The following IFT122 variants were observed in gnomAD, a reference collection of about 807,000 sequenced individuals.
IFT122 encodes intraflagellar transport protein 122 homolog.
A neutral mutation model predicts 161.6 loss-of-function variants in IFT122; 118 were observed. The observed-to-expected ratio is 0.73, with a 90% CI of 0.63 to 0.85. IFT122 has a LOEUF of 0.85. Ranked by LOEUF, IFT122 falls within the 40% of genes least tolerant of loss-of-function variation. The pLI, the probability that IFT122 is intolerant of heterozygous loss-of-function variation, is 0.00. For synonymous variants in IFT122, 550 were observed against 602.4 expected, an observed-to-expected ratio of 0.91 and a Z score of 1.27; for missense variants, 1,381 against 1,579.6, an observed-to-expected ratio of 0.87 and a Z score of 2.13.
intron 29 of IFT122, among the ~76,000 whole-genome samples, 173 bp from the exon 30 acceptor site, chr3:129,520,003 C>T (rs1286031121): frequency 6.6e-6 from 1 of 152,200 alleles, no homozygotes. Context: ...CAAGAAACCC[C>T]ACAGCCCCCT....
At position 129,463,644 on chromosome 3, in the gene IFT122, G is replaced by T; in HGVS notation, c.416+18G>T. ...TGCTGCAGGTAAGTGCAGCTCTGAC[G>T]ATAAGATTTATGTTCCTTCATCTTC... On this transcript the variant is annotated intron_variant, in intron 6 of 29. Transcript: ENST00000348417. The T allele has an allele frequency of 7.5e-6, 12 of 1,595,842 alleles. No homozygotes were observed. Among genetic ancestry groups the T allele is most frequent in the Non-Finnish European group, 1.0e-5 (12 of 1,163,868 alleles).
At chr3:129,512,464 C>A in intron 24 of IFT122, 52 bp downstream of exon 24, 1 of 1,277,334 alleles carries the variant, frequency 7.8e-7, no homozygotes, top group Non-Finnish European at 1.1e-6. Flanking sequence ...TGTCTAATGG[C>A]CCCAAGAAAT....
chr3:129,514,775 C>CCGGCCT (rs1177286008), intron 25 of IFT122: 3 of 639,470 alleles, frequency 4.7e-6, no homozygotes, highest in African/African-American at 1.8e-5. Context: ...GCCCCCGGCC[C>CCGGCCT]CGGCCTCAGC....
chr3:129,499,998 G>A lies in IFT122; in HGVS notation c.2305G>A (p.Glu769Lys). The change falls in exon 19 of 30, where the codon GAG (glutamate) becomes AAG (lysine). Residue 769 changes from glutamate (E) to lysine (K), a missense_variant. Physicochemically the swap from Glu to Lys is moderately conservative, Grantham distance 56. Transcript: ENST00000348417. The stretch of plus-strand genomic sequence containing the variant: ...TATCAAGGAGCCCAAAGCCGCCGTG[G>A]AGATGTACATCTCAGCAGGAGAGCA... Reference protein sequence around the residue: ...RNIKEPKAAVEMYISAGEHVK... With the variant: ...RNIKEPKAAVKMYISAGEHVK... 1 of 1,614,234 alleles carries A rather than the reference G, an allele frequency of 6.2e-7. No homozygotes were observed. Among genetic ancestry groups the A allele is most frequent in the Non-Finnish European group, 8.5e-7 (1 of 1,180,056 alleles).
chr3:129,497,469 A>C (rs146478706), intron 18 of IFT122, among the ~76,000 whole-genome samples: 1 of 152,350 alleles, frequency 6.6e-6, no homozygotes, highest in East Asian at 1.9e-4. Context: ...GCCAACCTGT[A>C]GAAAGATTAG....
intron 3 of IFT122, chr3:129,456,157 TC>T (rs1559854735): frequency 4.5e-6 from 4 of 888,450 alleles, no homozygotes; most frequent in Non-Finnish European, 6.4e-6. Context: ...ATGCAGCTGG[TC>T]AGTGAGATCT....
intron 10 of IFT122, 67 bp from the exon 11 acceptor site, chr3:129,476,596 T>C (rs2108277702): frequency 1.2e-6 from 2 of 1,613,916 alleles, no homozygotes; most frequent in East Asian, 4.5e-5. Context: ...GGGGTTTGTG[T>C]CTGACAAATG....
chr3:129,455,578 AT>A (rs965462635), intron 3 of IFT122, among the ~76,000 whole-genome samples: 8 of 151,628 alleles, frequency 5.3e-5, no homozygotes, highest in African/African-American at 1.7e-4. Context: ...GAAATAGCTA[AT>A]TTTTTTTTAA....
At position 129,515,566 on chromosome 3, in the gene IFT122, C is replaced by T. The variant is rs771499492; in HGVS notation, c.3232C>T (p.Arg1078Cys). The change falls in exon 26 of 30, where the codon CGC becomes TGC. Residue 1078 changes from arginine (R) to cysteine (C), a missense_variant. By Grantham distance (180) the Arg-to-Cys change is radical. This residue lies in a region of IFT122 where 20 missense variants were observed against 54.2 expected (regional missense o/e 0.37). Transcript: ENST00000348417. Reference protein sequence around the residue: ...NNLGNVCINCRQPFIFSASSY... With the variant: ...NNLGNVCINCCQPFIFSASSY... ...CCTGGGCAACGTCTGCATCAACTGC[C>T]GCCAGCCCTTCATCTTCTCCGCCTC... The T allele has an allele frequency of 2.9e-5, 44 of 1,541,686 alleles. No homozygotes were observed. The highest frequency in any genetic ancestry group is 9.0e-5 in the South Asian group (8 of 89,146).
chr3:129,465,115 G>GTA (rs1559878579), intron 7 of IFT122, among the ~76,000 whole-genome samples: 1 of 3,168 alleles, frequency 3.2e-4, no homozygotes, highest in Non-Finnish European at 5.2e-4. Flanking sequence ...ATGTATATGA[G>GTA]TGTGTGTGTG....
chr3:129,469,660 CA>C (rs570731270), intron 9 of IFT122, among the ~76,000 whole-genome samples: 21 of 152,166 alleles, frequency 1.4e-4, no homozygotes, highest in Non-Finnish European at 2.8e-4. Flanking sequence ...GAACTCAGAG[CA>C]GTGAAATTAT....
intron 17 of IFT122, among the ~76,000 whole-genome samples, chr3:129,494,110 G>C (rs377154840): frequency 3.3e-5 from 5 of 152,186 alleles, no homozygotes; most frequent in South Asian, 4.1e-4. Flanking sequence ...ACATGCACCT[G>C]CTGAGTGCCA....
At chr3:129,483,412 T>G (rs1452126525) in intron 14 of IFT122, 73 bp from the exon 15 acceptor site, 4 of 1,268,034 alleles carry the variant, frequency 3.2e-6, no homozygotes, top group Non-Finnish European at 4.6e-6. Flanking sequence ...AAGAGGGTAT[T>G]GGGCTGAAAT....
chr3:129,499,883 G>A lies in IFT122; in HGVS notation c.2209-19G>A. On this transcript the variant is annotated intron_variant, in intron 18 of 29. Coordinates refer to ENST00000348417, the MANE Select transcript of IFT122 (RefSeq NM_052989.3). ...GGAAGTTCTGATCCAGAGTGTTTTT[G>A]TTTGTTGTGCTTCCTCAGGATTTCC... 6.2e-7 allele frequency: 1 copy of A among 1,613,860 alleles called. No individual in the cohort carries two copies. Among genetic ancestry groups the A allele is most frequent in the African/African-American group, 1.3e-5 (1 of 75,054 alleles).
chr3:129,451,820 T>G (rs1475664871), intron 2 of IFT122, 94 bp from the exon 3 acceptor site: 6 of 1,000,986 alleles, frequency 6.0e-6, no homozygotes, highest in Admixed American at 5.2e-5. Context: ...TATTGACACG[T>G]ATTGTTATAA....
At chr3:129,447,539 G>T (rs1426073989) in intron 1 of IFT122, among the ~76,000 whole-genome samples, 1 of 152,142 alleles carries the variant, frequency 6.6e-6, no homozygotes, top group Non-Finnish European at 1.5e-5. Context: ...CTGCAAAACA[G>T]AGTCTTGCTG....
At chr3:129,509,043 G>A (rs1402490298) in intron 23 of IFT122, among the ~76,000 whole-genome samples, 1 of 152,126 alleles carries the variant, frequency 6.6e-6, no homozygotes, top group South Asian at 2.1e-4. Context: ...TTTGGTGCAA[G>A]TTTGGCTTTG....
At position 129,520,286 on chromosome 3, in the gene IFT122, T is replaced by C; in HGVS notation, c.*21T>C. The C allele has an allele frequency of 6.3e-7, 1 of 1,575,090 alleles. No homozygotes were observed. Among genetic ancestry groups the C allele is most frequent in the Non-Finnish European group, 8.7e-7 (1 of 1,154,400 alleles). On this transcript the variant is annotated 3_prime_UTR_variant, in exon 30 of 30. Coordinates refer to ENST00000348417, the MANE Select transcript of IFT122 (RefSeq NM_052989.3). ...CATGACCAGCATCCTGGGGACGGCC[T>C]GCACCCTCTGCCCGCCTTGGGGTCT...
rs2078809817 is a variant in IFT122, at chr3:129,482,655, GT to G, written c.1654-827del. On this transcript the variant is annotated intron_variant, in intron 14 of 29. Transcript: ENST00000348417. ...CTCATGTCCTTGAGAGAGTAGAATG[GT>G]TTCGGGGAAAGAGAGGGCATAGCCT... Among the ~76,000 whole-genome samples, 4 of 152,296 alleles carry G rather than the reference GT, an allele frequency of 2.6e-5. No homozygotes were observed. In the South Asian group the frequency reaches 6.2e-4, roughly 24 times the overall value.
Sources: allele counts gnomAD v4.1 joint callset (sites outside exome capture counted in the v4.1 genomes callset), GRCh38; gene constraint gnomAD v4.1.1; regional missense constraint gnomAD v4.1.1; transcripts MANE v1.5; gene names NCBI Gene and HGNC (gene_info 2026-07-23, HGNC 2026-07-21).